The following SUMF1 variants were observed in gnomAD, a reference collection of about 807,000 sequenced individuals.
SUMF1 encodes sulfatase modifying factor 1, also known as formylglycine-generating enzyme.
In SUMF1, 48 loss-of-function variants were observed where a neutral mutation model predicts 47.6. That is an observed-to-expected ratio of 1.01 (90% CI 0.80 to 1.28). The LOEUF is 1.28. Among genes scored for constraint, SUMF1 ranks in the 50% most tolerant of loss-of-function variants. The pLI, the probability that SUMF1 is intolerant of heterozygous loss-of-function variation, is 0.00. For missense variants in SUMF1, 571 were observed against 485.4 expected, an observed-to-expected ratio of 1.18 and a Z score of -1.66; for synonymous variants, 230 against 192.1, an observed-to-expected ratio of 1.20 and a Z score of -1.63.
chr3:4,453,418 G>A (rs1310313594), intron 1 of SUMF1, among the ~76,000 whole-genome samples: 5 of 151,724 alleles, frequency 3.3e-5, no homozygotes, highest in Admixed American at 3.3e-4. Flanking sequence ...CCCAGGCTGG[G>A]GTGCAGTGGC....
chr3:4,380,087 A>G (rs972287193), intron 7 of SUMF1, among the ~76,000 whole-genome samples: 1 of 152,196 alleles, frequency 6.6e-6, no homozygotes, highest in South Asian at 2.1e-4. Context: ...CACAGCAGGA[A>G]GAGCGGCTGC....
intron 8 of SUMF1, among the ~76,000 whole-genome samples, chr3:4,100,102 T>C (rs999600964): frequency 1.3e-5 from 2 of 151,116 alleles, no homozygotes; most frequent in East Asian, 1.9e-4. Context: ...TATTATTAAA[T>C]TGTCTATAGT....
intron 8 of SUMF1, among the ~76,000 whole-genome samples, chr3:4,325,746 G>A (rs1412412325): frequency 6.6e-6 from 1 of 151,622 alleles, no homozygotes; most frequent in Non-Finnish European, 1.5e-5. Context: ...AGAAAAATGG[G>A]ATAAAAAAAT....
chr3:4,227,604 TCCAGGCCTAGCCAGA>T (rs1696202578), intron 8 of SUMF1, among the ~76,000 whole-genome samples: 1 of 152,106 alleles, frequency 6.6e-6, no homozygotes, highest in Non-Finnish European at 1.5e-5. Context: ...CTCTCCCTAA[TCCAGGCCTAGCCAGA>T]CCAGAAAAGA....
intron 8 of SUMF1, among the ~76,000 whole-genome samples, chr3:4,163,056 G>A (rs1694614864): frequency 1.3e-5 from 2 of 151,818 alleles, no homozygotes; most frequent in Non-Finnish European, 1.5e-5. Context: ...AAAATGCCCA[G>A]TATGGATCAA....
At chr3:4,164,673 A>T (rs1447863853) in intron 8 of SUMF1, among the ~76,000 whole-genome samples, 3 of 151,880 alleles carry the variant, frequency 2.0e-5, no homozygotes, top group Non-Finnish European at 2.9e-5. Context: ...CTCTGATTTC[A>T]CTTTTCCTTT....
chr3:4,450,444 T>C (rs1702930837), intron 2 of SUMF1, among the ~76,000 whole-genome samples: 1 of 152,196 alleles, frequency 6.6e-6, no homozygotes, highest in African/African-American at 2.4e-5. Flanking sequence ...GAGGCTGCCA[T>C]CTTTTCTTCA....
chr3:4,248,833 C>A (rs930654248), intron 8 of SUMF1, among the ~76,000 whole-genome samples: 13 of 152,174 alleles, frequency 8.5e-5, no homozygotes, highest in African/African-American at 3.1e-4. Context: ...GTTCCTAGAG[C>A]CTGCATGTGG....
Position 4,138,750 on chromosome 3 carries a change from C to T in SUMF1, c.1015-70005G>A, listed in dbSNP as rs192949395. On this transcript the variant is annotated intron_variant and NMD_transcript_variant, in intron 8 of 12. Transcript: ENST00000448413. Reference sequence around the variant, plus strand: ...TTCCTTTGCCTGGTTCTAATTTATACCTTTTTGCAATAATAAAATTGTAAT... The same window carrying T: ...TTCCTTTGCCTGGTTCTAATTTATATCTTTTTGCAATAATAAAATTGTAAT... Among the ~76,000 whole-genome samples the T allele has an allele frequency of 1.0e-3, 159 of 152,116 alleles. 1 individual carries two copies. The highest frequency in any genetic ancestry group is 6.1e-3 in the Admixed American group (93 of 15,254).
At chr3:4,346,990 T>A (rs1022662455) in intron 8 of SUMF1, among the ~76,000 whole-genome samples, 2 of 152,134 alleles carry the variant, frequency 1.3e-5, no homozygotes, top group African/African-American at 4.8e-5. Context: ...CAGGAAGAAG[T>A]TGAATCCCTG....
At chr3:4,343,737 G>GGGCT (rs1173008988) in intron 8 of SUMF1, among the ~76,000 whole-genome samples, 1 of 152,174 alleles carries the variant, frequency 6.6e-6, no homozygotes, top group Non-Finnish European at 1.5e-5. Context: ...CCTTTTTGGA[G>GGGCT]GGCTGTCAAT....
chr3:4,168,250 A>G (rs1328346952), intron 8 of SUMF1, among the ~76,000 whole-genome samples: 2 of 152,202 alleles, frequency 1.3e-5, no homozygotes, highest in South Asian at 2.1e-4. Flanking sequence ...GACAAACTCT[A>G]CATTTATTAC....
intron 7 of SUMF1, among the ~76,000 whole-genome samples, chr3:4,401,256 A>G (rs1701202728): frequency 6.6e-6 from 1 of 152,088 alleles, no homozygotes; most frequent in Admixed American, 6.5e-5. Flanking sequence ...GCTCTTGTGA[A>G]TAGTGCCACA....
chr3:4,290,961 T>C (rs2125054744), intron 8 of SUMF1, among the ~76,000 whole-genome samples: 1 of 152,304 alleles, frequency 6.6e-6, no homozygotes, highest in Admixed American at 6.5e-5. Flanking sequence ...TAAAACTTTG[T>C]TGACCAACTT....
chr3:4,045,383 C>T (rs1435497637), intron 9 of SUMF1, among the ~76,000 whole-genome samples: 2 of 151,390 alleles, frequency 1.3e-5, no homozygotes, highest in Non-Finnish European at 2.9e-5. Flanking sequence ...CAACCATCCA[C>T]CCATCCATCC....
rs572579358 is a variant in SUMF1 at position 4,075,926 on chromosome 3, T to C, written c.1015-7181A>G. 4.6e-5 allele frequency among the ~76,000 whole-genome samples: 7 copies of C among 152,248 alleles called. No homozygotes were observed. The South Asian group carries it at 1.2e-3, about 27-fold the overall frequency. On this transcript the variant is annotated intron_variant and NMD_transcript_variant, in intron 8 of 12. Coordinates refer to the SUMF1 transcript ENST00000448413. Reference sequence around the variant, plus strand: ...TGGCCATACTGCCTAAAGTAATTTATAGATTCAATGCTATCCCCATCATGC... The same window carrying C: ...TGGCCATACTGCCTAAAGTAATTTACAGATTCAATGCTATCCCCATCATGC...
At chr3:4,103,418 G>A (rs1260979982) in intron 8 of SUMF1, among the ~76,000 whole-genome samples, 2 of 152,032 alleles carry the variant, frequency 1.3e-5, no homozygotes, top group Non-Finnish European at 2.9e-5. Context: ...GGTCAGCATG[G>A]CTGCAGAACT....
intron 8 of SUMF1, among the ~76,000 whole-genome samples, chr3:4,100,245 A>T (rs1412800590): frequency 6.6e-6 from 1 of 151,976 alleles, no homozygotes; most frequent in Non-Finnish European, 1.5e-5. Flanking sequence ...AATCGTGACC[A>T]AAAAGAACAA....
intron 8 of SUMF1, among the ~76,000 whole-genome samples, chr3:4,104,533 C>T (rs998223255): frequency 6.6e-6 from 1 of 152,018 alleles, no homozygotes; most frequent in African/African-American, 2.4e-5. Context: ...CAGCAGAATG[C>T]ACCCACAGGC....
Sources: allele counts gnomAD v4.1 joint callset (sites outside exome capture counted in the v4.1 genomes callset), GRCh38; gene constraint gnomAD v4.1.1; transcripts MANE v1.5; gene names NCBI Gene and HGNC (gene_info 2026-07-23, HGNC 2026-07-21).